Variants in FAM220A observed in about 807,000 individuals in gnomAD.
FAM220A encodes the protein protein FAM220A.
For synonymous variants in FAM220A, 141 were observed against 130.7 expected (o/e 1.08, Z -0.54); for missense variants, 392 against 321.6 (o/e 1.22, Z -1.68).
intron 1 of FAM220A, among the ~76,000 whole-genome samples, chr7:6,333,579 G>A (rs758405726): frequency 2.0e-5 from 3 of 151,644 alleles, no homozygotes; most frequent in African/African-American, 7.3e-5. Flanking sequence ...GCTCACTGCA[G>A]CCTGTAACTT....
chr7:6,331,356 T>G (rs558513609), intron 1 of FAM220A, 121 bp from the exon 2 acceptor site: 1 of 618,056 alleles, frequency 1.6e-6, no homozygotes, highest in South Asian at 2.1e-5. Context: ...CAGTACAGGG[T>G]TTCACCATAT....
At chr7:6,348,045 G>C (rs1308741225) in intron 1 of FAM220A, among the ~76,000 whole-genome samples, 2 of 151,544 alleles carry the variant, frequency 1.3e-5, no homozygotes, top group East Asian at 1.9e-4. Context: ...CGAGTAGCTG[G>C]GATTACAGGC....
At chr7:6,347,289 C>T (rs1319953130) in intron 1 of FAM220A, among the ~76,000 whole-genome samples, 1 of 152,116 alleles carries the variant, frequency 6.6e-6, no homozygotes, top group Non-Finnish European at 1.5e-5. Context: ...TCGAGGCGGG[C>T]AGATCACTTG....
intron 1 of FAM220A, among the ~76,000 whole-genome samples, chr7:6,335,183 C>T (rs916238003): frequency 6.6e-6 from 1 of 151,946 alleles, no homozygotes; most frequent in Non-Finnish European, 1.5e-5. Context: ...CTGCATCAGC[C>T]TCCCAAGTTG....
chr7:6,348,445 C>G (rs1416309467), intron 1 of FAM220A, 128 bp downstream of exon 1: 2 of 397,144 alleles, frequency 5.0e-6, no homozygotes, highest in Non-Finnish European at 8.9e-6. Flanking sequence ...TAGGGTCGCA[C>G]GGGAAAATGC....
intron 1 of FAM220A, among the ~76,000 whole-genome samples, chr7:6,340,283 G>A (rs778844830): frequency 1.3e-5 from 2 of 152,128 alleles, no homozygotes; most frequent in African/African-American, 2.4e-5. Flanking sequence ...CCCAGCTGCT[G>A]TCGATCAGAA....
chr7:6,332,858 T>G (rs1781663845), intron 1 of FAM220A, among the ~76,000 whole-genome samples: 1 of 152,096 alleles, frequency 6.6e-6, no homozygotes, highest in African/African-American at 2.4e-5. Context: ...TATAACCGCA[T>G]TAAGATTTGT....
chr7:6,333,193 A>G (rs1246033441), intron 1 of FAM220A, among the ~76,000 whole-genome samples: 2 of 151,928 alleles, frequency 1.3e-5, no homozygotes, highest in South Asian at 2.1e-4. Flanking sequence ...AAAAAACAAA[A>G]AAACACTGGG....
chr7:6,334,281 A>C (rs1347596412), intron 1 of FAM220A, among the ~76,000 whole-genome samples: 3 of 150,026 alleles, frequency 2.0e-5, no homozygotes, highest in African/African-American at 7.3e-5. Context: ...CACGCCTGTA[A>C]TCCCAGCACT....
rs780965650 is a variant in FAM220A, at chr7:6,330,385, C to CATA, written c.767_769dup (p.Leu256dup). 1.2e-6 allele frequency: 2 copies of CATA among 1,611,648 alleles called. No homozygotes were observed. Among genetic ancestry groups the CATA allele is most frequent in the East Asian group, 4.5e-5 (2 of 44,854 alleles). ...TGTTCTGCTTGTACCTTAACTATGG[C>CATA]ATAATGTATTTGCTAATTCAAAAGG... On this transcript the variant is annotated inframe_insertion, in exon 2 of 2. Transcript: ENST00000313324.
rs142051673 is a variant in FAM220A, at chr7:6,330,678, T to G, written c.477A>C (p.Gln159His). 1 of 1,614,102 alleles carries G rather than the reference T, an allele frequency of 6.2e-7. No homozygotes were observed. Among genetic ancestry groups the G allele is most frequent in the Non-Finnish European group, 8.5e-7 (1 of 1,180,024 alleles). Residue 159 changes from glutamine (Q) to histidine (H), a missense_variant, in exon 2 of 2, where the codon CAA becomes CAC. By Grantham distance (24) the Gln-to-His change is conservative (BLOSUM62 0). Transcript: ENST00000313324. Reference protein sequence around the residue: ...EPRVSRLPRHQKVPEMGSFQD... With the variant: ...EPRVSRLPRHHKVPEMGSFQD... ...GAAAACTTCCCATTTCCGGCACTTT[T>G]TGATGGCGTGGCAGTCGTGACACCC...
At chr7:6,347,883 T>TTTATTATTATTATTATTATTATTATTA (rs143253434) in intron 1 of FAM220A, among the ~76,000 whole-genome samples, 25 of 131,534 alleles carry the variant, frequency 1.9e-4, no homozygotes, top group African/African-American at 6.8e-4. Context: ...ACGAGACCCC[T>TTTATTATTATTATTATTATTATTATTA]TTATTATTAT....
At chr7:6,331,930 G>A (rs1374441704) in intron 1 of FAM220A, among the ~76,000 whole-genome samples, 2 of 151,688 alleles carry the variant, frequency 1.3e-5, no homozygotes, top group East Asian at 1.9e-4. Context: ...ATTTTTAGTA[G>A]AGATGAGGGT....
At chr7:6,336,085 A>G (rs1364800753) in intron 1 of FAM220A, among the ~76,000 whole-genome samples, 2 of 151,386 alleles carry the variant, frequency 1.3e-5, no homozygotes, top group Non-Finnish European at 2.9e-5. Context: ...AGGCAGGACA[A>G]TCGTTTGAAC....
chr7:6,343,047 A>C lies in FAM220A; in HGVS notation c.-82+5526T>G, dbSNP rs1031077951. On this transcript the variant is annotated intron_variant, in intron 1 of 1. Coordinates refer to ENST00000313324, the MANE Select transcript of FAM220A (RefSeq NM_001037163.2). ...GGAAGACGCTTTCTCAAAAAAAAAA[A>C]AGAAAAAAGAAAGAAAGAAAGAGGA... Among the ~76,000 whole-genome samples the C allele has an allele frequency of 7.1e-4, 104 of 146,280 alleles. 1 individual carries two copies. Among genetic ancestry groups the C allele is most frequent in the Middle Eastern group, 3.4e-3 (1 of 290 alleles).
chr7:6,335,840 G>A (rs1384744321), intron 1 of FAM220A, among the ~76,000 whole-genome samples: 2 of 152,050 alleles, frequency 1.3e-5, no homozygotes, highest in Non-Finnish European at 2.9e-5. Flanking sequence ...TGTGAGACCA[G>A]CCTGGGCAAC....
At chr7:6,338,287 G>A (rs1441615558) in intron 1 of FAM220A, among the ~76,000 whole-genome samples, 2 of 152,132 alleles carry the variant, frequency 1.3e-5, no homozygotes, top group East Asian at 3.8e-4. Context: ...GTATGCTAGA[G>A]ATATATTGTA....
rs201720426 is a variant in FAM220A, at chr7:6,336,369, G to GTA, written c.-81-5136_-81-5135dup. ...GACTCAAAAAAGAAAAGAAAAAACT[G>GTA]TATATATATGAACCACATAAAAGAA... On this transcript the variant is annotated intron_variant, in intron 1 of 1. Coordinates refer to ENST00000313324, the MANE Select transcript of FAM220A (RefSeq NM_001037163.2). Among the ~76,000 whole-genome samples the GTA allele has an allele frequency of 9.2e-3, 1,388 of 151,066 alleles. 22 individuals are homozygous for GTA. Among genetic ancestry groups the GTA allele is most frequent in the African/African-American group, 0.032 (1,327 of 41,346 alleles).
chr7:6,347,117 A>C (rs1332495214), intron 1 of FAM220A, among the ~76,000 whole-genome samples: 2 of 152,208 alleles, frequency 1.3e-5, no homozygotes, highest in African/African-American at 4.8e-5. Flanking sequence ...ACTTGAGGCC[A>C]GAAGTTCAAG....
Sources: gnomAD v4.1 joint callset for allele counts (sites outside exome capture counted in the v4.1 genomes callset) on GRCh38, gnomAD v4.1.1 for gene constraint, MANE v1.5 for transcripts, NCBI Gene and HGNC (gene_info 2026-07-23, HGNC 2026-07-21) for gene names.